The following SLC66A2 variants were observed in gnomAD, a reference collection of about 807,000 sequenced individuals.
SLC66A2 encodes PQ loop repeat containing 1.
SLC66A2 carries 23 observed loss-of-function variants against 25.5 expected under a neutral mutation model. That is an observed-to-expected ratio of 0.90 (90% CI 0.65 to 1.28). The LOEUF (loss-of-function observed/expected upper bound fraction) is 1.28, where lower values mean the gene tolerates loss of function less well. Among genes scored for constraint, SLC66A2 ranks in the 50% most tolerant of loss-of-function variants. The pLI, the probability that SLC66A2 is intolerant of heterozygous loss-of-function variation, is 0.00. For missense variants in SLC66A2, 396 were observed against 373.1 expected (o/e 1.06, Z -0.51); for synonymous variants, 193 against 166.5 (o/e 1.16, Z -1.23).
At chr18:79,915,983 T>TACCCATGGCG (rs1568301261) in intron 5 of SLC66A2, 21 of 68,652 alleles carry the variant, frequency 3.1e-4, no homozygotes, top group Middle Eastern at 7.0e-3. Flanking sequence ...CCACAGTGCT[T>TACCCATGGCG]CTGTACCCGC....
rs868063815 is a variant in SLC66A2 at position 79,916,236 on chromosome 18, C to T, written c.608+2948G>A. ...GGCGCTCTTGTACCTGCGGCACTCC[C>T]GTACCCGTGGTGCTCTCATAGCCGC... On this transcript the variant is annotated intron_variant, in intron 5 of 5. Transcript: ENST00000397778. 2.4e-3 allele frequency among the ~76,000 whole-genome samples: 239 copies of T among 100,642 alleles called. 25 individuals are homozygous for T. Among genetic ancestry groups the T allele is most frequent in the Middle Eastern group, 0.018 (3 of 170 alleles). The allele number at this position is 100,642 out of a possible 152,430, so 66.0% of individuals were successfully genotyped here. A position where few individuals can be genotyped will look rare whatever the true frequency, so the allele number is the denominator to read the frequency against.
At chr18:79,905,049 A>G (rs1353975900) in intron 5 of SLC66A2, among the ~76,000 whole-genome samples, 1 of 152,156 alleles carries the variant, frequency 6.6e-6, no homozygotes, top group Non-Finnish European at 1.5e-5. Flanking sequence ...AGGCACAGCC[A>G]TGGCCGGGTG....
At chr18:79,910,546 T>A (rs1982958267) in intron 5 of SLC66A2, among the ~76,000 whole-genome samples, 1 of 152,200 alleles carries the variant, frequency 6.6e-6, no homozygotes, top group African/African-American at 2.4e-5. Context: ...CTTCTAAATT[T>A]GAGCATTTTT....
intron 1 of SLC66A2, among the ~76,000 whole-genome samples, 199 bp from the exon 2 acceptor site, chr18:79,951,224 G>A (rs531847377): frequency 3.3e-5 from 5 of 151,914 alleles, no homozygotes; most frequent in African/African-American, 1.2e-4. Context: ...GGCTGGGGAG[G>A]GGTCCCAGCG....
chr18:79,944,914 C>T (rs1377627275), intron 2 of SLC66A2, among the ~76,000 whole-genome samples: 2 of 144,158 alleles, frequency 1.4e-5, no homozygotes, highest in African/African-American at 5.1e-5. Context: ...GCAGGGGGAA[C>T]CCCACAGCCC....
chr18:79,927,237 G>A lies in SLC66A2; in HGVS notation c.391+6732C>T, dbSNP rs1446318519. On this transcript the variant is annotated intron_variant, in intron 4 of 5. Transcript: ENST00000397778. The surrounding 1 kb of genome is among the most constrained non-coding windows in gnomAD (Gnocchi z 6.2). ...GGCACTGCCCAGACCCGGAGCTGCA[G>A]GCAGGGCTCAGCAGGACCCCAGGCG... Among the ~76,000 whole-genome samples, 1 of 152,130 alleles carries A rather than the reference G, an allele frequency of 6.6e-6. No individual in the cohort carries two copies. The highest frequency in any genetic ancestry group is 2.1e-4 in the South Asian group (1 of 4,832).
At position 79,903,613 on chromosome 18, in the gene SLC66A2, C is replaced by T. The variant is rs1375774482; in HGVS notation, c.*363G>A. 4 of 288,330 alleles carry T rather than the reference C, an allele frequency of 1.4e-5. No individual in the cohort carries two copies. The highest frequency in any genetic ancestry group is 9.8e-4 in the Middle Eastern group (1 of 1,024). The allele number at this position is 288,330 out of a possible 1,614,324, so 17.9% of individuals were successfully genotyped here. ...GCGGTCACCCCAGCTTCAAGGTTCG[C>T]GGCTGCTGGCCCGTGTGTCCACCTG... On this transcript the variant is annotated 3_prime_UTR_variant, in exon 6 of 6. Transcript: ENST00000397778.
intron 4 of SLC66A2, among the ~76,000 whole-genome samples, chr18:79,923,723 G>A (rs1985571058): frequency 6.6e-6 from 1 of 152,152 alleles, no homozygotes; most frequent in African/African-American, 2.4e-5. Context: ...GGCAACAAAA[G>A]AAGAATAAAA....
rs909794585 is a variant in SLC66A2 at position 79,917,405 on chromosome 18, T to C, written c.608+1779A>G. ...GGGGCCAGGAGGCCGGCATGTGGGG[T>C]CCGGATCCGCTAGACCCTCACCACG... On this transcript the variant is annotated intron_variant, in intron 5 of 5. Coordinates refer to ENST00000397778, the MANE Select transcript of SLC66A2 (RefSeq NM_025078.5). This position sits in a 1 kb window ranked among gnomAD's most constrained non-coding sequence, Gnocchi z 6.0. Among the ~76,000 whole-genome samples the C allele has an allele frequency of 6.6e-5, 10 of 152,158 alleles. No homozygotes were observed. The highest frequency in any genetic ancestry group is 2.4e-4 in the African/African-American group (10 of 41,520).
At chr18:79,951,352 C>A (rs1361081984) in intron 1 of SLC66A2, among the ~76,000 whole-genome samples, 10 of 146,606 alleles carry the variant, frequency 6.8e-5, no homozygotes, top group African/African-American at 2.5e-5. Context: ...AGGATCGGGG[C>A]GCACTGTTCG....
chr18:79,904,317 G>A lies in SLC66A2; in HGVS notation c.609-134C>T, dbSNP rs1981707095. On this transcript the variant is annotated intron_variant, in intron 5 of 5. Coordinates refer to ENST00000397778, the MANE Select transcript of SLC66A2 (RefSeq NM_025078.5). The surrounding 1 kb of genome is among the most constrained non-coding windows in gnomAD (Gnocchi z 6.3). ...CCCAGGGGGCTAAGGGGACCCCCAGGCAGTCGGCGGGGAGGCCTGGGGCTC... is the reference window on the plus strand; with the variant it reads ...CCCAGGGGGCTAAGGGGACCCCCAGACAGTCGGCGGGGAGGCCTGGGGCTC... The A allele has an allele frequency of 2.6e-6, 2 of 771,402 alleles. No individual in the cohort carries two copies. The highest frequency in any genetic ancestry group is 4.3e-6 in the Non-Finnish European group (2 of 460,654). The allele number at this position is 771,402 out of a possible 1,614,324, so 47.8% of individuals were successfully genotyped here.
chr18:79,928,782 G>T (rs992544493), intron 4 of SLC66A2, among the ~76,000 whole-genome samples: 5 of 152,006 alleles, frequency 3.3e-5, no homozygotes, highest in African/African-American at 1.2e-4. Context: ...GCTCCTGTCT[G>T]CCCAGGCTCC....
chr18:79,911,620 C>T (rs1568295598), intron 5 of SLC66A2, among the ~76,000 whole-genome samples: 1 of 152,238 alleles, frequency 6.6e-6, no homozygotes, highest in Non-Finnish European at 1.5e-5. Context: ...GCTGCGGGGA[C>T]ATTCCAGCTG....
rs1000033062 is a variant in SLC66A2, at chr18:79,940,025, A to T, written c.337+3304T>A. On this transcript the variant is annotated intron_variant, in intron 3 of 5. Coordinates refer to ENST00000397778, the MANE Select transcript of SLC66A2 (RefSeq NM_025078.5). The surrounding 1 kb of genome is among the most constrained non-coding windows in gnomAD (Gnocchi z 4.1). ...TCTGGATGAAGCAAATGTGGTACGT[A>T]TACACCACGGAACACTATGCAGCCA... Among the ~76,000 whole-genome samples, 8 of 152,242 alleles carry T rather than the reference A, an allele frequency of 5.3e-5. No individual in the cohort carries two copies. Among genetic ancestry groups the T allele is most frequent in the Admixed American group, 1.3e-4 (2 of 15,288 alleles).
Position 79,918,686 on chromosome 18 carries a change from G to A in SLC66A2, c.608+498C>T, listed in dbSNP as rs367788111. Among the ~76,000 whole-genome samples the A allele has an allele frequency of 2.0e-5, 3 of 152,354 alleles. No homozygotes were observed. The highest frequency in any genetic ancestry group is 1.9e-4 in the East Asian group (1 of 5,184). On this transcript the variant is annotated intron_variant, in intron 5 of 5. Transcript: ENST00000397778. The surrounding 1 kb of genome is among the most constrained non-coding windows in gnomAD (Gnocchi z 4.0). ...GTCCAGGCACGCACTGGTGCAGGGCGCCCAGGCATGGTCTGTGGTTCCGAA... is the reference window on the plus strand; with the variant it reads ...GTCCAGGCACGCACTGGTGCAGGGCACCCAGGCATGGTCTGTGGTTCCGAA...
Position 79,927,544 on chromosome 18 carries a change from C to T in SLC66A2, c.391+6425G>A, listed in dbSNP as rs1986106153. Among the ~76,000 whole-genome samples the T allele has an allele frequency of 6.6e-6, 1 of 152,226 alleles. No individual in the cohort carries two copies. The highest frequency in any genetic ancestry group is 2.4e-5 in the African/African-American group (1 of 41,464). ...AGGCCGGCACTGGCCTCGCTGACCCCTCTAATCCTGCCACCTGTGCAGCAG... is the reference window on the plus strand; with the variant it reads ...AGGCCGGCACTGGCCTCGCTGACCCTTCTAATCCTGCCACCTGTGCAGCAG... On this transcript the variant is annotated intron_variant, in intron 4 of 5. Coordinates refer to ENST00000397778, the MANE Select transcript of SLC66A2 (RefSeq NM_025078.5). This position sits in a 1 kb window ranked among gnomAD's most constrained non-coding sequence, Gnocchi z 6.2.
At position 79,921,150 on chromosome 18, in the gene SLC66A2, G is replaced by A. The variant is rs1462582774; in HGVS notation, c.392-1750C>T. 3.7e-4 allele frequency among the ~76,000 whole-genome samples: 3 copies of A among 8,004 alleles called. 1 individual carries two copies. Among genetic ancestry groups the A allele is most frequent in the Non-Finnish European group, 7.0e-4 (3 of 4,284 alleles). The allele number at this position is 8,004 out of a possible 152,430, so 5.3% of individuals were successfully genotyped here. A position where few individuals can be genotyped will look rare whatever the true frequency, so the allele number is the denominator to read the frequency against. ...TGAGAGGTCAAGGTCAGTGGGGAGA[G>A]ACAGGAACCGAGGGAGAGGTCAGGG... On this transcript the variant is annotated intron_variant, in intron 4 of 5. Transcript: ENST00000397778.
Position 79,925,396 on chromosome 18 carries a change from C to A in SLC66A2, c.392-5996G>T, listed in dbSNP as rs569566179. ...GCTGACAGCCGGCAGTGCAGACTCA[C>A]ACGCCGTGACTTCCCGAGATGTGTT... is the stretch of plus-strand genomic sequence containing the variant. On this transcript the variant is annotated intron_variant, in intron 4 of 5. Coordinates refer to ENST00000397778, the MANE Select transcript of SLC66A2 (RefSeq NM_025078.5). Among the ~76,000 whole-genome samples the A allele has an allele frequency of 1.7e-4, 26 of 152,390 alleles. 1 individual carries two copies. The Middle Eastern group carries it at 0.01, about 60-fold the overall frequency.
At chr18:79,916,245 GGTGCTCTC>G (rs1984117130) in intron 5 of SLC66A2, among the ~76,000 whole-genome samples, 8 of 78,314 alleles carry the variant, frequency 1.0e-4, no homozygotes, top group Non-Finnish European at 2.0e-4. Flanking sequence ...CCGTACCCGT[GGTGCTCTC>G]ATAGCCGCAG....
Sources: allele counts gnomAD v4.1 joint callset (sites outside exome capture counted in the v4.1 genomes callset), GRCh38; gene constraint gnomAD v4.1.1; non-coding constraint Gnocchi (gnomAD v3.1); transcripts MANE v1.5; gene names NCBI Gene and HGNC (gene_info 2026-07-23, HGNC 2026-07-21).